The following RIC3 variants were observed in gnomAD, a reference collection of about 807,000 sequenced individuals.
RIC3 encodes the protein RIC3 acetylcholine receptor chaperone.
In RIC3, 28 loss-of-function variants were observed where a neutral mutation model predicts 27.3. The observed-to-expected ratio is 1.02, with a 90% CI of 0.76 to 1.41. RIC3 has a LOEUF of 1.41. Among genes scored for constraint, RIC3 ranks in the 40% most tolerant of loss-of-function variants. The pLI is 0.00. For synonymous variants in RIC3, 184 were observed against 160.4 expected (o/e 1.15, Z -1.11); for missense variants, 501 against 444.7 (o/e 1.13, Z -1.14).
chr11:8,128,214 C>T (rs1268061758), intron 4 of RIC3: 1 of 457,396 alleles, frequency 2.2e-6, no homozygotes, highest in Non-Finnish European at 4.4e-6. Context: ...ACTAGAAGAG[C>T]TTACCTGCTT....
At chr11:8,162,629 CTT>C (rs757717970) in intron 1 of RIC3, among the ~76,000 whole-genome samples, 23 of 83,734 alleles carry the variant, frequency 2.7e-4, no homozygotes, top group African/African-American at 9.0e-4. Flanking sequence ...CATGCTTCTT[CTT>C]TTTTTTTTTT....
the RIC3 span, chr11:8,097,629 C>A: frequency 7.4e-7 from 1 of 1,346,664 alleles, no homozygotes; most frequent in Non-Finnish European, 1.0e-6. Context: ...GCTGACGCAA[C>A]GGAGAGAGTC....
the RIC3 span, chr11:8,094,137 A>T: frequency 5.0e-6 from 8 of 1,614,124 alleles, no homozygotes; most frequent in South Asian, 8.8e-5. Context: ...CGGCAGCTAC[A>T]GCAGGGGGCC....
At chr11:8,168,477 A>C (rs973379181) in intron 1 of RIC3, among the ~76,000 whole-genome samples, 1 of 152,172 alleles carries the variant, frequency 6.6e-6, no homozygotes, top group African/African-American at 2.4e-5. Flanking sequence ...GCGCGTCAGA[A>C]AGTACACGGA....
intron 1 of RIC3, among the ~76,000 whole-genome samples, chr11:8,160,063 G>C (rs1951036421): frequency 6.6e-6 from 1 of 152,062 alleles, no homozygotes; most frequent in African/African-American, 2.4e-5. Flanking sequence ...TAACATGGTG[G>C]GAAAAATTTG....
At chr11:8,158,320 GA>G (rs1015664674) in intron 1 of RIC3, among the ~76,000 whole-genome samples, 35 of 152,200 alleles carry the variant, frequency 2.3e-4, no homozygotes, top group Admixed American at 1.2e-3. Context: ...GGCTACTAAG[GA>G]ACCCTATTTA....
At chr11:8,094,990 C>T in the RIC3 span, among the ~76,000 whole-genome samples, 1 of 152,218 alleles carries the variant, frequency 6.6e-6, no homozygotes, top group Non-Finnish European at 1.5e-5. Flanking sequence ...ATGGGAGATG[C>T]TCCATTTGGG....
intron 5 of RIC3, among the ~76,000 whole-genome samples, chr11:8,117,930 A>C (rs1199530055): frequency 6.6e-6 from 1 of 152,240 alleles, no homozygotes; most frequent in East Asian, 1.9e-4. Context: ...GTTACTCAAA[A>C]ACATCATTAA....
intron 1 of RIC3, among the ~76,000 whole-genome samples, chr11:8,168,102 T>G (rs1054678054): frequency 2.2e-4 from 34 of 152,204 alleles, no homozygotes; most frequent in African/African-American, 8.2e-4. Flanking sequence ...CAGGAGAAAG[T>G]TACCAGTAGA....
chr11:8,104,781 C>T (rs141656278), downstream of RIC3: 2 of 152,128 alleles, frequency 1.3e-5, no homozygotes, highest in Non-Finnish European at 2.9e-5. Flanking sequence ...AATCAAGACA[C>T]TAGTTCAGAG....
chr11:8,093,966 G>A, the RIC3 span: 1 of 1,566,952 alleles, frequency 6.4e-7, no homozygotes, highest in East Asian at 2.2e-5. Context: ...ATGCTGTGCT[G>A]GGGACTGTGT....
chr11:8,107,294 C>T lies in RIC3; in HGVS notation c.*3404G>A, dbSNP rs1944773278. On this transcript the variant is annotated 3_prime_UTR_variant, in exon 6 of 6. Coordinates refer to ENST00000309737, the MANE Select transcript of RIC3 (RefSeq NM_001206671.4). Reference sequence around the variant, plus strand: ...GTAATAATTCGGGTTTGTTTATTCCCCCAGATCTAGAGTTCTGATGTGACC... The same window carrying T: ...GTAATAATTCGGGTTTGTTTATTCCTCCAGATCTAGAGTTCTGATGTGACC... 6.6e-6 allele frequency: 1 copy of T among 152,120 alleles called. No individual in the cohort carries two copies. Among genetic ancestry groups the T allele is most frequent in the Non-Finnish European group, 1.5e-5 (1 of 68,024 alleles). 9.4% of individuals were successfully genotyped at this position (152,120 alleles called of 1,614,324 possible).
chr11:8,096,191 T>C, the RIC3 span, among the ~76,000 whole-genome samples: 2 of 152,176 alleles, frequency 1.3e-5, no homozygotes, highest in African/African-American at 4.8e-5. Flanking sequence ...AGATAGAAGC[T>C]CAGGGCAAAG....
rs1945194463 is a variant in RIC3 at position 8,111,039 on chromosome 11, A to G, written c.769T>C (p.Ser257Pro). The G allele has an allele frequency of 1.2e-6, 2 of 1,614,194 alleles. No individual in the cohort carries two copies. The highest frequency in any genetic ancestry group is 1.7e-6 in the Non-Finnish European group (2 of 1,180,030). Residue 257 changes from serine to proline, a missense_variant, in exon 6 of 6, where the codon TCT (serine) becomes CCT (proline). Transcript: ENST00000309737. ...LVDYPDPKEL[S>P]AEEIAERMGM... ...ATTCTTTCAGCTATTTCTTCAGCAGAAAGTTCTTTTGGGTCAGGGTAATCC... is the reference window on the plus strand; with the variant it reads ...ATTCTTTCAGCTATTTCTTCAGCAGGAAGTTCTTTTGGGTCAGGGTAATCC...
chr11:8,123,760 C>A (rs1188232607), intron 5 of RIC3, among the ~76,000 whole-genome samples: 2 of 151,984 alleles, frequency 1.3e-5, no homozygotes, highest in Non-Finnish European at 2.9e-5. Flanking sequence ...TCCAGGCCAA[C>A]TGGGCACAGT....
At chr11:8,146,336 C>G (rs2134023309) in intron 1 of RIC3, among the ~76,000 whole-genome samples, 1 of 152,242 alleles carries the variant, frequency 6.6e-6, no homozygotes, top group East Asian at 1.9e-4. Flanking sequence ...CGATATTAAT[C>G]TTTCAAGCAA....
At chr11:8,101,024 T>C in the RIC3 span, 1 of 1,613,610 alleles carries the variant, frequency 6.2e-7, no homozygotes, top group South Asian at 1.1e-5. Flanking sequence ...CTACTCATTA[T>C]GGTCCGTAGG....
At chr11:8,161,126 G>C (rs1404609252) in intron 1 of RIC3, among the ~76,000 whole-genome samples, 1 of 152,206 alleles carries the variant, frequency 6.6e-6, no homozygotes, top group Non-Finnish European at 1.5e-5. Context: ...TAGAGGAATA[G>C]TCAATTATGT....
intron 1 of RIC3, among the ~76,000 whole-genome samples, chr11:8,164,905 A>C (rs1248063041): frequency 1.3e-5 from 2 of 152,208 alleles, no homozygotes; most frequent in African/African-American, 4.8e-5. Context: ...TAAACACACA[A>C]AAAATGCTCA....
Sources: gnomAD v4.1 joint callset for allele counts (sites outside exome capture counted in the v4.1 genomes callset) on GRCh38, gnomAD v4.1.1 for gene constraint, MANE v1.5 for transcripts, NCBI Gene and HGNC (gene_info 2026-07-23, HGNC 2026-07-21) for gene names.